The following PTAR1 variants were observed in gnomAD, a reference collection of about 807,000 sequenced individuals.
PTAR1 encodes protein prenyltransferase alpha subunit repeat-containing protein 1.
Under a neutral mutation model 45.5 loss-of-function variants are expected in PTAR1, and 17 were observed. The ratio of observed to expected loss-of-function variants is 0.37; its 90% CI spans 0.26 to 0.56. PTAR1 has a LOEUF of 0.56. PTAR1 is among the 20% of genes least tolerant of loss of function. The pLI is 0.77. For synonymous variants in PTAR1, 169 were observed against 171.3 expected, an observed-to-expected ratio of 0.99 and a Z score of 0.11; for missense variants, 391 against 476.3, an observed-to-expected ratio of 0.82 and a Z score of 1.67.
intron 4 of PTAR1, 138 bp downstream of exon 4, chr9:69,734,012 T>C (rs565846545): frequency 1.7e-6 from 1 of 585,048 alleles, no homozygotes; most frequent in African/African-American, 1.9e-5. Flanking sequence ...ATATAGCTCC[T>C]AGATTTAAAT....
intron 1 of PTAR1, among the ~76,000 whole-genome samples, chr9:69,754,865 C>T (rs1196039378): frequency 6.6e-6 from 1 of 151,836 alleles, no homozygotes. Flanking sequence ...GGTATACATC[C>T]TTTTTTCCTG....
At position 69,711,444 on chromosome 9, in the gene PTAR1, A is replaced by C. The variant is rs751283664; in HGVS notation, c.*6898T>G. 6.6e-6 allele frequency: 1 copy of C among 152,240 alleles called. No homozygotes were observed. The highest frequency in any genetic ancestry group is 1.5e-5 in the Non-Finnish European group (1 of 68,040). 9.4% of individuals were successfully genotyped at this position (152,240 alleles called of 1,614,324 possible). ...CCACAAATTAACAGATGCTGAGACT[A>C]CTGTATCATTCACAAAAAGTTCTTC... On this transcript the variant is annotated 3_prime_UTR_variant, in exon 8 of 8. Transcript: ENST00000340434.
rs1824709022 is a variant in PTAR1 at position 69,715,879 on chromosome 9, G to A, written c.*2463C>T. The A allele has an allele frequency of 6.6e-6, 1 of 152,090 alleles. No homozygotes were observed. Among genetic ancestry groups the A allele is most frequent in the South Asian group, 2.1e-4 (1 of 4,836 alleles). 9.4% of individuals were successfully genotyped at this position (152,090 alleles called of 1,614,324 possible). On this transcript the variant is annotated 3_prime_UTR_variant, in exon 8 of 8. Coordinates refer to ENST00000340434, the MANE Select transcript of PTAR1 (RefSeq NM_001099666.2). The stretch of plus-strand genomic sequence containing the variant: ...GTTACATACTAACAGTATCCTTTGG[G>A]TATTTGCATTTTTGCTCTCTACTTT...
chr9:69,759,796 G>A, intron 1 of PTAR1, 57 bp downstream of exon 1: 1 of 1,491,226 alleles, frequency 6.7e-7, no homozygotes, highest in Non-Finnish European at 9.0e-7. Flanking sequence ...TGGACGCTTG[G>A]CCCCGCCCCC....
rs1424955765 is a variant in PTAR1 at position 69,728,929 on chromosome 9, GT to G, written c.642+3209del. ...AAATCTATAGCATTGTTGTGTGTAT[GT>G]ATTACTATCTGTTCAGCATTTACCA... On this transcript the variant is annotated intron_variant, in intron 5 of 7. Coordinates refer to ENST00000340434, the MANE Select transcript of PTAR1 (RefSeq NM_001099666.2). Among the ~76,000 whole-genome samples, 7 of 152,244 alleles carry G rather than the reference GT, an allele frequency of 4.6e-5. No individual in the cohort carries two copies. The East Asian group carries it at 1.4e-3, about 29-fold the overall frequency.
At chr9:69,727,707 T>C (rs1332923962) in intron 5 of PTAR1, among the ~76,000 whole-genome samples, 1 of 152,188 alleles carries the variant, frequency 6.6e-6, no homozygotes, top group Non-Finnish European at 1.5e-5. Flanking sequence ...ATTTTTGAAA[T>C]AGCATCACAA....
At chr9:69,723,275 C>G in intron 6 of PTAR1, 51 bp downstream of exon 6, 1 of 1,497,986 alleles carries the variant, frequency 6.7e-7, no homozygotes, top group South Asian at 1.2e-5. Flanking sequence ...TTCTGCAGCT[C>G]TCATGAAGAC....
At chr9:69,758,748 T>G (rs1486393165) in intron 1 of PTAR1, 1 of 353,916 alleles carries the variant, frequency 2.8e-6, no homozygotes, top group Non-Finnish European at 6.0e-6. Flanking sequence ...GTTTGGCAAC[T>G]TTTTTAGGCA....
At chr9:69,738,684 T>G (rs1314861369) in intron 3 of PTAR1, among the ~76,000 whole-genome samples, 1 of 152,200 alleles carries the variant, frequency 6.6e-6, no homozygotes, top group Non-Finnish European at 1.5e-5. Context: ...TCTTGTATAC[T>G]TCCTGCTCTG....
At chr9:69,750,639 A>G (rs1388823972) in intron 2 of PTAR1, 142 bp downstream of exon 2, 10 of 573,876 alleles carry the variant, frequency 1.7e-5, no homozygotes, top group Admixed American at 1.1e-4. Context: ...CTCACTTGAC[A>G]GAAAGGTTAG....
At chr9:69,730,269 A>G (rs898972751) in intron 5 of PTAR1, among the ~76,000 whole-genome samples, 3 of 152,106 alleles carry the variant, frequency 2.0e-5, no homozygotes, top group Admixed American at 2.0e-4. Flanking sequence ...CTGGCAGCTG[A>G]GCTCACCATT....
chr9:69,752,855 T>C (rs975365881), intron 1 of PTAR1, among the ~76,000 whole-genome samples: 2 of 152,124 alleles, frequency 1.3e-5, no homozygotes, highest in African/African-American at 4.8e-5. Context: ...ATCTATCTAA[T>C]TCATTATTAT....
chr9:69,756,641 T>C (rs1194579111), intron 1 of PTAR1, among the ~76,000 whole-genome samples: 1 of 152,056 alleles, frequency 6.6e-6, no homozygotes, highest in Non-Finnish European at 1.5e-5. Context: ...GGTCTCTGGC[T>C]CCCTCTGAGA....
At chr9:69,744,993 T>C (rs1005678655) in intron 2 of PTAR1, among the ~76,000 whole-genome samples, 1 of 152,138 alleles carries the variant, frequency 6.6e-6, no homozygotes, top group Non-Finnish European at 1.5e-5. Context: ...CTACATAACC[T>C]AACCTCTTGG....
chr9:69,709,557 C>G lies in PTAR1; in HGVS notation c.*8785G>C, dbSNP rs1226802404. On this transcript the variant is annotated 3_prime_UTR_variant, in exon 8 of 8. Coordinates refer to ENST00000340434, the MANE Select transcript of PTAR1 (RefSeq NM_001099666.2). ...AGATAAAAGGTTTACTTAGAAATTGCAAACATTTAGCAAAGGTAAGACAAA... is the reference window on the plus strand; with the variant it reads ...AGATAAAAGGTTTACTTAGAAATTGGAAACATTTAGCAAAGGTAAGACAAA... 2 of 152,100 alleles carry G rather than the reference C, an allele frequency of 1.3e-5. No individual in the cohort carries two copies. Among genetic ancestry groups the G allele is most frequent in the Admixed American group, 1.3e-4 (2 of 15,256 alleles). The allele number at this position is 152,100 out of a possible 1,614,324, so 9.4% of individuals were successfully genotyped here.
intron 1 of PTAR1, among the ~76,000 whole-genome samples, chr9:69,755,658 C>T (rs1388590540): frequency 1.3e-5 from 2 of 152,104 alleles, no homozygotes; most frequent in African/African-American, 4.8e-5. Flanking sequence ...CCCAAAAGAA[C>T]TGGAATTCTT....
At chr9:69,757,338 C>T (rs1826829672) in intron 1 of PTAR1, 1 of 15,048 alleles carries the variant, frequency 6.6e-5, no homozygotes, top group Admixed American at 1.2e-3. Flanking sequence ...TAGTATTATC[C>T]AGGTTTATAA....
At chr9:69,752,544 G>C (rs568200442) in intron 1 of PTAR1, among the ~76,000 whole-genome samples, 11 of 152,110 alleles carry the variant, frequency 7.2e-5, no homozygotes, top group African/African-American at 2.4e-4. Context: ...TTGACTCAAA[G>C]GTGTTTTGAT....
intron 3 of PTAR1, among the ~76,000 whole-genome samples, chr9:69,735,088 ATACT>A (rs1292503028): frequency 2.0e-5 from 3 of 152,212 alleles, no homozygotes; most frequent in African/African-American, 7.2e-5. Context: ...ACAAGGTAAA[ATACT>A]TACATGACCC....
Sources: allele counts gnomAD v4.1 joint callset (sites outside exome capture counted in the v4.1 genomes callset), GRCh38; gene constraint gnomAD v4.1.1; transcripts MANE v1.5; gene names NCBI Gene and HGNC (gene_info 2026-07-23, HGNC 2026-07-21).